Variants in RANGAP1 observed in about 807,000 individuals in gnomAD.
The protein encoded by RANGAP1 is ran GTPase-activating protein 1.
RANGAP1 carries 38 observed loss-of-function variants against 63.5 expected under a neutral mutation model. That is an observed-to-expected ratio of 0.60 (90% CI 0.46 to 0.78). RANGAP1 has a LOEUF of 0.78. Ranked by LOEUF, RANGAP1 falls within the 30% of genes least tolerant of loss-of-function variation. The probability of loss-of-function intolerance (pLI) is 0.00; values close to 1 mark genes in which losing one functional copy is unlikely to be tolerated. For synonymous variants in RANGAP1, 329 were observed against 310.5 expected (o/e 1.06, Z -0.63); for missense variants, 630 against 740.3 (o/e 0.85, Z 1.73).
intron 2 of RANGAP1, among the ~76,000 whole-genome samples, chr22:41,275,924 G>A (rs1001904961): frequency 6.6e-6 from 1 of 152,018 alleles, no homozygotes; most frequent in African/African-American, 2.4e-5. Context: ...CCAGCCAGGG[G>A]GACAGAGCAA....
chr22:41,280,752 G>A lies in RANGAP1; in HGVS notation c.112+181C>T, dbSNP rs890392365. 5 of 1,524,076 alleles carry A rather than the reference G, an allele frequency of 3.3e-6. No individual in the cohort carries two copies. In the African/African-American group the frequency reaches 6.9e-5, roughly 21 times the overall value. 94.4% of individuals were successfully genotyped at this position (1,524,076 alleles called of 1,614,324 possible). A position where few individuals can be genotyped will look rare whatever the true frequency, so the allele number is the denominator to read the frequency against. On this transcript the variant is annotated intron_variant, in intron 2 of 15. Coordinates refer to ENST00000356244, the MANE Select transcript of RANGAP1 (RefSeq NM_002883.4). ...ATACAAACATGGAAAGTGCAGGGGA[G>A]CTTGCTCCTGGGCAAATGATCTCTG...
rs374637778 is a variant in RANGAP1 at position 41,246,677 on chromosome 22, G to A, written c.1695-5C>T. 12 of 1,557,710 alleles carry A rather than the reference G, an allele frequency of 7.7e-6. No individual in the cohort carries two copies. The highest frequency in any genetic ancestry group is 4.7e-5 in the East Asian group (2 of 42,434). The stretch of plus-strand genomic sequence containing the variant: ...GATTCCAGGGCGCTGTTGGGCCTGC[G>A]GGGAAAGAGGGGTCAGCAGGTCGGT... On this transcript the variant is annotated splice_polypyrimidine_tract_variant and splice_region_variant and intron_variant, in intron 15 of 15. Transcript: ENST00000356244.
At chr22:41,275,262 G>C (rs1332408258) in intron 2 of RANGAP1, among the ~76,000 whole-genome samples, 3 of 152,202 alleles carry the variant, frequency 2.0e-5, no homozygotes, top group Non-Finnish European at 4.4e-5. Flanking sequence ...GGAGGCTAAG[G>C]CAGGTGGATT....
At chr22:41,255,992 G>C in intron 10 of RANGAP1, 29 bp downstream of exon 10, 1 of 1,601,860 alleles carries the variant, frequency 6.2e-7, no homozygotes, top group Non-Finnish European at 8.5e-7. Context: ...GCCTGACCCC[G>C]ACCTCTGGGG....
the RANGAP1 span, among the ~76,000 whole-genome samples, chr22:41,294,848 C>T: frequency 5.1e-5 from 1 of 19,450 alleles, no homozygotes. Context: ...AGGAGCGTCT[C>T]CGCCCGGCAG....
At chr22:41,256,619 G>T in intron 8 of RANGAP1, 92 bp downstream of exon 8, 1 of 1,113,850 alleles carries the variant, frequency 9.0e-7, no homozygotes, top group Non-Finnish European at 1.3e-6. Flanking sequence ...ATGGACACAG[G>T]CCCACCTGCC....
chr22:41,265,862 G>A (rs2034436379), intron 4 of RANGAP1, among the ~76,000 whole-genome samples: 1 of 152,198 alleles, frequency 6.6e-6, no homozygotes. Context: ...CCACCACTCA[G>A]TAAGCAAAAG....
At position 41,244,963 on chromosome 22, in the gene RANGAP1, G is replaced by A. The variant is rs1270061491; in HGVS notation, c.*1640C>T. ...CCTCTACCTTCTTGTCTCTGAATTT[G>A]CTTATTCTAGATGCCTCATCTAAAT... On this transcript the variant is annotated 3_prime_UTR_variant, in exon 16 of 16. Coordinates refer to ENST00000356244, the MANE Select transcript of RANGAP1 (RefSeq NM_002883.4). Among the ~76,000 whole-genome samples the A allele has an allele frequency of 6.6e-6, 1 of 152,062 alleles. No individual in the cohort carries two copies. Among genetic ancestry groups the A allele is most frequent in the Non-Finnish European group, 1.5e-5 (1 of 68,026 alleles).
chr22:41,277,709 C>T (rs2035240608), intron 2 of RANGAP1, among the ~76,000 whole-genome samples: 1 of 152,196 alleles, frequency 6.6e-6, no homozygotes. Context: ...GGTACCTTCA[C>T]TTCCAGATGC....
intron 2 of RANGAP1, chr22:41,277,596 T>C: frequency 2.2e-6 from 2 of 918,212 alleles, no homozygotes; most frequent in East Asian, 7.2e-5. Flanking sequence ...AGAAGGGTCT[T>C]GAGAAAGGAC....
Position 41,246,464 on chromosome 22 carries a change from G to C in RANGAP1, c.*139C>G. ...CACCCACACACATACTCAGGGGACTGACAGGACACATGGGACACAGACCCG... is the reference window on the plus strand; with the variant it reads ...CACCCACACACATACTCAGGGGACTCACAGGACACATGGGACACAGACCCG... On this transcript the variant is annotated 3_prime_UTR_variant, in exon 16 of 16. Transcript: ENST00000356244. 1 of 870,848 alleles carries C rather than the reference G, an allele frequency of 1.1e-6. No individual in the cohort carries two copies. The highest frequency in any genetic ancestry group is 1.7e-5 in the South Asian group (1 of 59,840). The allele number at this position is 870,848 out of a possible 1,614,324, so 53.9% of individuals were successfully genotyped here. A position where few individuals can be genotyped will look rare whatever the true frequency, so the allele number is the denominator to read the frequency against.
At chr22:41,292,793 A>T in the RANGAP1 span, among the ~76,000 whole-genome samples, 2 of 150,402 alleles carry the variant, frequency 1.3e-5, no homozygotes, top group Admixed American at 1.3e-4. Context: ...AATGGAAACA[A>T]TTTTTTTTTT....
At chr22:41,292,702 T>C in the RANGAP1 span, among the ~76,000 whole-genome samples, 169 of 151,932 alleles carry the variant, frequency 1.1e-3, 1 homozygote, top group Non-Finnish European at 2.1e-3. Flanking sequence ...GCCGAAATCA[T>C]GCCATTGCGC....
At chr22:41,295,370 C>T in the RANGAP1 span, among the ~76,000 whole-genome samples, 1 of 151,944 alleles carries the variant, frequency 6.6e-6, no homozygotes, top group Non-Finnish European at 1.5e-5. Context: ...ATTCTTCTGC[C>T]TTGGGATCCT....
intron 7 of RANGAP1, 48 bp from the exon 8 acceptor site, chr22:41,256,872 C>T (rs751285463): frequency 1.1e-5 from 16 of 1,507,010 alleles, no homozygotes; most frequent in Middle Eastern, 1.7e-4. Context: ...GACCACACCC[C>T]AGCCCTCAGC....
At chr22:41,281,210 T>C (rs139533) in intron 1 of RANGAP1, 128 bp from the exon 2 acceptor site, 827,859 of 1,100,850 alleles carry the variant, frequency 0.75, 317,338 homozygotes, top group Admixed American at 0.82. Flanking sequence ...TAGAGATAAA[T>C]CACTGGAAGA....
At chr22:41,277,410 G>C in intron 2 of RANGAP1, 1 of 1,135,594 alleles carries the variant, frequency 8.8e-7, no homozygotes, top group African/African-American at 1.6e-5. Flanking sequence ...CCTGTTCTTT[G>C]AATGTTTCTG....
At chr22:41,250,539 G>T (rs528392399) in intron 13 of RANGAP1, among the ~76,000 whole-genome samples, 4 of 152,322 alleles carry the variant, frequency 2.6e-5, no homozygotes, top group Admixed American at 1.3e-4. Flanking sequence ...TGGGGAGAGG[G>T]TTGTGATAGG....
intron 4 of RANGAP1, among the ~76,000 whole-genome samples, chr22:41,265,995 G>A (rs570868408): frequency 9.2e-5 from 14 of 152,262 alleles, no homozygotes; most frequent in African/African-American, 3.4e-4. Context: ...GAGGTCGGGA[G>A]ATCGAGACCA....
Sources: gnomAD v4.1 joint callset for allele counts (sites outside exome capture counted in the v4.1 genomes callset) on GRCh38, gnomAD v4.1.1 for gene constraint, MANE v1.5 for transcripts, NCBI Gene and HGNC (gene_info 2026-07-23, HGNC 2026-07-21) for gene names.